The following DIAPH2 variants were observed in gnomAD, a reference collection of about 807,000 sequenced individuals.
The protein encoded by DIAPH2 is diaphanous related formin 2.
A neutral mutation model predicts 92.7 loss-of-function variants in DIAPH2; 35 were observed. The ratio of observed to expected loss-of-function variants is 0.38; its 90% CI spans 0.29 to 0.50. DIAPH2 has a LOEUF of 0.50. Among genes scored for constraint, DIAPH2 ranks in the 20% least tolerant of loss-of-function variants. DIAPH2 has a pLI of 0.94. For synonymous variants in DIAPH2, 301 were observed against 280.4 expected, an observed-to-expected ratio of 1.07 and a Z score of -0.73; for missense variants, 701 against 819.5, an observed-to-expected ratio of 0.86 and a Z score of 1.77.
At chrX:97,330,605 CAGGTT>C (rs1163041588) in intron 23 of DIAPH2, among the ~76,000 whole-genome samples, 1 of 109,191 alleles carries the variant, frequency 9.2e-6, no homozygotes, top group Non-Finnish European at 1.9e-5. Context: ...ATCTGCCTCC[CAGGTT>C]CAAGTGATTT....
intron 26 of DIAPH2, among the ~76,000 whole-genome samples, chrX:97,541,240 A>G (rs2071138220): frequency 8.9e-6 from 1 of 111,898 alleles, no homozygotes; most frequent in African/African-American, 3.2e-5. Context: ...ACTTAATTAC[A>G]TTTAGCAAGG....
intron 25 of DIAPH2, among the ~76,000 whole-genome samples, chrX:97,394,597 C>T (rs2069688022): frequency 8.9e-6 from 1 of 111,753 alleles, no homozygotes; most frequent in African/African-American, 3.3e-5. Context: ...GAGCTTCTCA[C>T]ACATTAAGAT....
At chrX:97,407,717 A>G (rs1373786540) in intron 25 of DIAPH2, among the ~76,000 whole-genome samples, 3 of 112,107 alleles carry the variant, frequency 2.7e-5, no homozygotes, top group African/African-American at 6.5e-5. Flanking sequence ...CTCTGACCAT[A>G]CCTCTATTCA....
chrX:97,434,544 G>A (rs1232564182), intron 26 of DIAPH2, among the ~76,000 whole-genome samples: 2 of 106,826 alleles, frequency 1.9e-5, no homozygotes, highest in Non-Finnish European at 3.9e-5. Flanking sequence ...GAGTAGCTGG[G>A]ATTACAGGCA....
chrX:96,792,431 T>C (rs2064508340), intron 4 of DIAPH2, among the ~76,000 whole-genome samples: 1 of 112,096 alleles, frequency 8.9e-6, no homozygotes, highest in Non-Finnish European at 1.9e-5. Flanking sequence ...TTTCAGGGTT[T>C]CCTCTTGCCT....
chrX:96,911,960 G>C (rs1175354372), intron 5 of DIAPH2, among the ~76,000 whole-genome samples: 1 of 111,818 alleles, frequency 8.9e-6, no homozygotes, highest in African/African-American at 3.2e-5. Context: ...CAAGTCTGAA[G>C]AATTAAAAGG....
chrX:97,078,242 A>C (rs1285766053), intron 19 of DIAPH2, among the ~76,000 whole-genome samples: 3 of 111,656 alleles, frequency 2.7e-5, no homozygotes, highest in African/African-American at 9.8e-5. Flanking sequence ...TTCTTAAGGA[A>C]TATGTGAAAA....
intron 3 of DIAPH2, among the ~76,000 whole-genome samples, chrX:96,756,188 T>C (rs1220296033): frequency 6.3e-5 from 7 of 111,177 alleles, no homozygotes; most frequent in Non-Finnish European, 1.1e-4. Flanking sequence ...TTTTTTTGTA[T>C]ATTCAAAGAG....
At chrX:97,234,770 C>T (rs147091167) in intron 22 of DIAPH2, among the ~76,000 whole-genome samples, 2,373 of 111,790 alleles carry the variant, frequency 0.021, 62 homozygotes, top group African/African-American at 0.074. Context: ...TCTTAGTTCA[C>T]AGGCCATACG....
intron 15 of DIAPH2, among the ~76,000 whole-genome samples, chrX:96,951,358 C>G (rs1328709900): frequency 8.9e-6 from 1 of 111,816 alleles, no homozygotes; most frequent in Non-Finnish European, 1.9e-5. Context: ...TTTCATATCA[C>G]TTTTCTAGAC....
At chrX:96,803,712 C>T (rs1163717966) in intron 4 of DIAPH2, among the ~76,000 whole-genome samples, 1 of 112,282 alleles carries the variant, frequency 8.9e-6, no homozygotes, top group Non-Finnish European at 1.9e-5. Flanking sequence ...CTTGTTTTGG[C>T]ATTTGATACC....
chrX:97,349,767 A>C (rs1295228992), intron 24 of DIAPH2, among the ~76,000 whole-genome samples: 2 of 110,440 alleles, frequency 1.8e-5, no homozygotes, highest in Non-Finnish European at 3.8e-5. Flanking sequence ...AACTAGTAGA[A>C]TGTGTTCTAC....
intron 5 of DIAPH2, among the ~76,000 whole-genome samples, chrX:96,886,043 C>G (rs2065259613): frequency 9.1e-6 from 1 of 110,077 alleles, no homozygotes; most frequent in African/African-American, 3.3e-5. Context: ...TTTGAAAAAG[C>G]CTTTTTGTTT....
intron 25 of DIAPH2, among the ~76,000 whole-genome samples, chrX:97,386,803 T>C (rs2147735387): frequency 9.2e-6 from 1 of 109,201 alleles, no homozygotes; most frequent in South Asian, 4.0e-4. Context: ...TTTTTTTTTT[T>C]TTTAATTATA....
chrX:97,008,375 A>G (rs2066199270), intron 17 of DIAPH2, among the ~76,000 whole-genome samples: 1 of 111,016 alleles, frequency 9.0e-6, no homozygotes, highest in African/African-American at 3.3e-5. Context: ...TGAATTCTCC[A>G]TCTGAAAGGT....
chrX:97,402,897 GA>G (rs5903081), intron 25 of DIAPH2, among the ~76,000 whole-genome samples: 42,879 of 111,187 alleles, frequency 0.39, 5,887 homozygotes, highest in East Asian at 0.56. Flanking sequence ...AGAAACTTGT[GA>G]AAAATGGACA....
chrX:97,388,255 A>G (rs772601741), intron 25 of DIAPH2, among the ~76,000 whole-genome samples: 12 of 111,747 alleles, frequency 1.1e-4, no homozygotes, highest in African/African-American at 2.3e-4. Flanking sequence ...CATAACTTCA[A>G]CCTTCAAATG....
At chrX:97,049,663 T>G (rs1340410062) in intron 17 of DIAPH2, among the ~76,000 whole-genome samples, 3 of 111,232 alleles carry the variant, frequency 2.7e-5, no homozygotes, top group Non-Finnish European at 5.7e-5. Flanking sequence ...AATTCAAAAT[T>G]CAATTCAGAA....
intron 26 of DIAPH2, chrX:97,469,637 T>C: frequency 9.1e-7 from 1 of 1,093,833 alleles, no homozygotes; most frequent in South Asian, 2.0e-5. Context: ...AGGTGCATTA[T>C]GTTTTTTTAT....
Sources: gnomAD v4.1 joint callset for allele counts (sites outside exome capture counted in the v4.1 genomes callset) on GRCh38, gnomAD v4.1.1 for gene constraint, MANE v1.5 for transcripts, NCBI Gene and HGNC (gene_info 2026-07-23, HGNC 2026-07-21) for gene names.